Variants in AUTS2 observed in about 807,000 individuals in gnomAD.
AUTS2 encodes autism susceptibility gene 2 protein.
Under a neutral mutation model 112.4 loss-of-function variants are expected in AUTS2, and 17 were observed. The ratio of observed to expected loss-of-function variants is 0.15; its 90% CI spans 0.10 to 0.23. The LOEUF (loss-of-function observed/expected upper bound fraction) is 0.23. Ranked by LOEUF, AUTS2 falls within the 10% of genes least tolerant of loss-of-function variation. The pLI, the probability that AUTS2 is intolerant of heterozygous loss-of-function variation, is 1.00. For synonymous variants in AUTS2, 751 were observed against 702.7 expected (o/e 1.07, Z -1.09); for missense variants, 1,510 against 1,701.6 (o/e 0.89, Z 1.98).
intron 5 of AUTS2, among the ~76,000 whole-genome samples, chr7:70,683,453 C>T (rs1585500357): frequency 1.3e-5 from 2 of 152,076 alleles, no homozygotes; most frequent in African/African-American, 4.8e-5. Context: ...AGTCCTGGTC[C>T]TTGAGTGATT....
intron 4 of AUTS2, among the ~76,000 whole-genome samples, chr7:70,225,554 A>G (rs1811718786): frequency 6.6e-6 from 1 of 152,150 alleles, no homozygotes; most frequent in Non-Finnish European, 1.5e-5. Context: ...GATGGCTGCC[A>G]CTTGAGCTTT....
intron 4 of AUTS2, among the ~76,000 whole-genome samples, chr7:70,156,564 G>A (rs1251581982): frequency 1.3e-5 from 2 of 152,098 alleles, no homozygotes; most frequent in East Asian, 3.9e-4. Flanking sequence ...CAGATCTCCT[G>A]TGGAGGTGAC....
rs1408488815 is a variant in AUTS2 at position 70,131,905 on chromosome 7, C to G, written c.625-2631C>G. ...CGTAATATCTCACTGAATACAAGGC[C>G]GTAGTCAGAATCTTGGGGTTGTAGG... On this transcript the variant is annotated intron_variant, in intron 3 of 18. Transcript: ENST00000342771. 2.0e-5 allele frequency among the ~76,000 whole-genome samples: 3 copies of G among 151,712 alleles called. No homozygotes were observed. The East Asian group carries it at 5.9e-4, about 30-fold the overall frequency.
chr7:70,223,747 G>A (rs1175892753), intron 4 of AUTS2, among the ~76,000 whole-genome samples: 3 of 152,074 alleles, frequency 2.0e-5, no homozygotes, highest in African/African-American at 7.2e-5. Context: ...GCATGTTATT[G>A]CCCCTGAAGA....
chr7:70,618,465 A>G (rs2129536225), intron 5 of AUTS2, among the ~76,000 whole-genome samples: 1 of 152,264 alleles, frequency 6.6e-6, no homozygotes, highest in East Asian at 1.9e-4. Flanking sequence ...TCTGACCCTC[A>G]TTAACCAAGA....
At chr7:70,721,083 TTAATAA>T (rs35640413) in intron 6 of AUTS2, among the ~76,000 whole-genome samples, 3 of 150,436 alleles carry the variant, frequency 2.0e-5, no homozygotes, top group African/African-American at 4.9e-5. Context: ...ATTGAGTTTT[TTAATAA>T]TAATAATAAT....
intron 4 of AUTS2, among the ~76,000 whole-genome samples, chr7:70,162,544 C>T (rs1808147643): frequency 6.7e-6 from 1 of 149,054 alleles, no homozygotes; most frequent in African/African-American, 2.5e-5. Context: ...ATGTTGTTCC[C>T]CTTCTTGGTT....
At chr7:70,319,792 G>A (rs1790167200) in intron 4 of AUTS2, among the ~76,000 whole-genome samples, 1 of 152,156 alleles carries the variant, frequency 6.6e-6, no homozygotes, top group African/African-American at 2.4e-5. Flanking sequence ...TAAATTACAT[G>A]GTAGTGACTT....
chr7:70,373,299 C>T (rs893631937), intron 4 of AUTS2, among the ~76,000 whole-genome samples: 22 of 151,932 alleles, frequency 1.4e-4, no homozygotes, highest in African/African-American at 5.1e-4. Context: ...TTGTACAATA[C>T]GATCTTATTA....
chr7:69,980,805 AT>A (rs1289352341), intron 2 of AUTS2, among the ~76,000 whole-genome samples: 1 of 152,126 alleles, frequency 6.6e-6, no homozygotes, highest in Non-Finnish European at 1.5e-5. Flanking sequence ...CTTGGCGTCA[AT>A]TTTTTTAAAA....
intron 4 of AUTS2, among the ~76,000 whole-genome samples, chr7:70,363,799 TC>T (rs1412862279): frequency 6.6e-6 from 1 of 152,224 alleles, no homozygotes; most frequent in East Asian, 1.9e-4. Context: ...TAACATTTTT[TC>T]CTAAAAACCT....
At chr7:70,491,498 AAT>A (rs1460128181) in intron 5 of AUTS2, among the ~76,000 whole-genome samples, 13 of 147,924 alleles carry the variant, frequency 8.8e-5, no homozygotes, top group East Asian at 5.9e-4. Context: ...ATATACACAT[AAT>A]ATATATGTTA....
chr7:70,290,474 T>C (rs1268495919), intron 4 of AUTS2: 1 of 1,539,708 alleles, frequency 6.5e-7, no homozygotes, highest in Admixed American at 2.1e-5. Flanking sequence ...AGGGAGAGTT[T>C]CTTTTCTCTC....
intron 5 of AUTS2, among the ~76,000 whole-genome samples, chr7:70,635,896 C>T (rs1287039760): frequency 6.6e-6 from 1 of 152,142 alleles, no homozygotes; most frequent in Non-Finnish European, 1.5e-5. Flanking sequence ...CAGGCACTTT[C>T]AGCCAATTAG....
At chr7:70,104,185 T>A (rs1391087322) in intron 2 of AUTS2, among the ~76,000 whole-genome samples, 1 of 151,984 alleles carries the variant, frequency 6.6e-6, no homozygotes, top group East Asian at 1.9e-4. Flanking sequence ...CCTTTTTTTT[T>A]TTTTTACCAG....
At chr7:70,692,677 T>A (rs73182112) in intron 5 of AUTS2, among the ~76,000 whole-genome samples, 15,367 of 151,468 alleles carry the variant, frequency 0.1, 1,184 homozygotes, top group East Asian at 0.42. Flanking sequence ...GGGGAGGGGG[T>A]GATGAAGCTA....
chr7:69,751,298 T>C (rs1787727116), intron 1 of AUTS2, among the ~76,000 whole-genome samples: 1 of 152,196 alleles, frequency 6.6e-6, no homozygotes, highest in African/African-American at 2.4e-5. Flanking sequence ...TCATTCTGGG[T>C]CTGGCAGATT....
At chr7:70,081,731 A>G (rs1803327110) in intron 2 of AUTS2, among the ~76,000 whole-genome samples, 1 of 152,180 alleles carries the variant, frequency 6.6e-6, no homozygotes, top group Admixed American at 6.5e-5. Context: ...GTTTTGTTTA[A>G]CCTACTTTAA....
rs1033961142 is a variant in AUTS2 at position 69,879,120 on chromosome 7, C to G, written c.310-20166C>G. Reference sequence around the variant, plus strand: ...CTCAGTTATAGATATTTGAGACTTTCTGTGTGTGTGTGTGTGTGTGTGTGT... The same window carrying G: ...CTCAGTTATAGATATTTGAGACTTTGTGTGTGTGTGTGTGTGTGTGTGTGT... On this transcript the variant is annotated intron_variant, in intron 1 of 18. Coordinates refer to ENST00000342771, the MANE Select transcript of AUTS2 (RefSeq NM_015570.4). 1.4e-5 allele frequency among the ~76,000 whole-genome samples: 2 copies of G among 147,710 alleles called. 1 individual carries two copies. The highest frequency in any genetic ancestry group is 3.0e-5 in the Non-Finnish European group (2 of 66,960).
Sources: gnomAD v4.1 joint callset for allele counts (sites outside exome capture counted in the v4.1 genomes callset) on GRCh38, gnomAD v4.1.1 for gene constraint, MANE v1.5 for transcripts, NCBI Gene and HGNC (gene_info 2026-07-23, HGNC 2026-07-21) for gene names.